PCCA: variants seen among roughly 807,000 people sequenced by gnomAD.
PCCA encodes propionyl-CoA carboxylase alpha chain, mitochondrial.
Under a neutral mutation model 101.3 loss-of-function variants are expected in PCCA, and 74 were observed. The observed-to-expected ratio is 0.73, with a 90% confidence interval of 0.61 to 0.89. PCCA has a LOEUF of 0.89. Ranked by LOEUF, PCCA falls within the 40% of genes least tolerant of loss-of-function variation. PCCA has a pLI of 0.00. For synonymous variants in PCCA, 294 were observed against 313.6 expected (o/e 0.94, Z 0.66); for missense variants, 891 against 907.0 (o/e 0.98, Z 0.23).
intron 10 of PCCA, 191 bp from the exon 11 acceptor site, chr13:100,268,498 T>C (rs1429358793): frequency 4.6e-6 from 3 of 653,198 alleles, no homozygotes; most frequent in Non-Finnish European, 8.3e-6. Context: ...ATAAAAATGT[T>C]TTATTGAGCT....
intron 21 of PCCA, among the ~76,000 whole-genome samples, chr13:100,470,431 C>G (rs1596047453): frequency 6.6e-6 from 1 of 152,094 alleles, no homozygotes; most frequent in Non-Finnish European, 1.5e-5. Flanking sequence ...TGGCAGCTGC[C>G]TCGTCTAAAT....
At chr13:100,187,495 G>C (rs919540788) in intron 6 of PCCA, among the ~76,000 whole-genome samples, 3 of 152,212 alleles carry the variant, frequency 2.0e-5, no homozygotes, top group African/African-American at 7.2e-5. Context: ...GATGACCTGC[G>C]ATATCATCCA....
chr13:100,405,595 G>T (rs2077622766), intron 19 of PCCA, among the ~76,000 whole-genome samples: 1 of 151,988 alleles, frequency 6.6e-6, no homozygotes, highest in Non-Finnish European at 1.5e-5. Context: ...TTCTACATAG[G>T]CCTTTTGGAT....
chr13:100,237,780 G>A (rs2060887955), intron 8 of PCCA, among the ~76,000 whole-genome samples: 1 of 151,938 alleles, frequency 6.6e-6, no homozygotes, highest in Non-Finnish European at 1.5e-5. Flanking sequence ...GAAATTTAGG[G>A]AAATAAAGGG....
At chr13:100,495,176 C>T (rs2085187635) in intron 21 of PCCA, among the ~76,000 whole-genome samples, 1 of 152,100 alleles carries the variant, frequency 6.6e-6, no homozygotes, top group African/African-American at 2.4e-5. Context: ...AGGACAACTC[C>T]AAAACAAAGA....
intron 6 of PCCA, among the ~76,000 whole-genome samples, chr13:100,158,957 G>A (rs140836727): frequency 1.5e-3 from 233 of 150,530 alleles, no homozygotes; most frequent in African/African-American, 5.4e-3. Flanking sequence ...TATATGAGTA[G>A]GATAAGTGAT....
At chr13:100,530,020 G>A in intron 23 of PCCA, 78 bp from the exon 24 acceptor site, 2 of 1,115,280 alleles carry the variant, frequency 1.8e-6, no homozygotes, top group Non-Finnish European at 2.7e-6. Flanking sequence ...TTTTAGAAAT[G>A]GATTAGGAGC....
intron 21 of PCCA, among the ~76,000 whole-genome samples, chr13:100,455,496 T>C (rs1459917068): frequency 6.6e-6 from 1 of 152,238 alleles, no homozygotes; most frequent in East Asian, 1.9e-4. Context: ...CTTGGTGATT[T>C]TGCTTTGTGT....
At chr13:100,223,740 T>C (rs1364878353) in intron 7 of PCCA, among the ~76,000 whole-genome samples, 1 of 152,142 alleles carries the variant, frequency 6.6e-6, no homozygotes, top group African/African-American at 2.4e-5. Context: ...AGGGCACTGA[T>C]TGGTGCGTTT....
intron 4 of PCCA, among the ~76,000 whole-genome samples, chr13:100,136,909 GT>G (rs2051251311): frequency 6.6e-6 from 1 of 151,672 alleles, no homozygotes; most frequent in South Asian, 2.1e-4. Context: ...TATCTCCTCT[GT>G]TGTGTTCTTC....
At chr13:100,099,425 C>T (rs1468082432) in intron 1 of PCCA, among the ~76,000 whole-genome samples, 1 of 149,960 alleles carries the variant, frequency 6.7e-6, no homozygotes, top group Non-Finnish European at 1.5e-5. Flanking sequence ...TCACGCCATT[C>T]TCCCGCCTCA....
intron 7 of PCCA, among the ~76,000 whole-genome samples, chr13:100,229,303 G>GAAGCA (rs2060332942): frequency 1.3e-5 from 2 of 152,192 alleles, no homozygotes; most frequent in Non-Finnish European, 2.9e-5. Flanking sequence ...AAACTGAAGT[G>GAAGCA]TAAAAAGTAA....
In PCCA at chr13:100,271,479, A is replaced by C. The variant is rs549020076; in HGVS notation, c.915-1717A>C. ...AATAGAAATGTAATATGAATGTTAA[A>C]AGACACCGTGGGGTTGCATGCAGTT... On this transcript the variant is annotated intron_variant, in intron 11 of 23. Coordinates refer to ENST00000376285, the MANE Select transcript of PCCA (RefSeq NM_000282.4). 1.1e-4 allele frequency among the ~76,000 whole-genome samples: 16 copies of C among 152,268 alleles called. 1 individual carries two copies. In the East Asian group the frequency reaches 2.9e-3, roughly 28 times the overall value.
intron 19 of PCCA, among the ~76,000 whole-genome samples, chr13:100,409,587 G>T (rs1187299093): frequency 6.6e-6 from 1 of 152,072 alleles, no homozygotes; most frequent in South Asian, 2.1e-4. Context: ...CAGTGCACAG[G>T]CCAGTTGGAG....
chr13:100,335,354 T>C (rs1595413598), intron 17 of PCCA, among the ~76,000 whole-genome samples: 1 of 152,066 alleles, frequency 6.6e-6, no homozygotes, highest in African/African-American at 2.4e-5. Context: ...AGAAAGGAAA[T>C]AGCATTTGGT....
chr13:100,421,787 C>T (rs981011626), intron 19 of PCCA, among the ~76,000 whole-genome samples: 1 of 151,990 alleles, frequency 6.6e-6, no homozygotes, highest in African/African-American at 2.4e-5. Context: ...CAGGTTCAAG[C>T]GATTCTCCTG....
chr13:100,408,245 A>G (rs1567082716), intron 19 of PCCA, among the ~76,000 whole-genome samples: 1 of 152,364 alleles, frequency 6.6e-6, no homozygotes, highest in South Asian at 2.1e-4. Context: ...GCATGGTTAT[A>G]TGTCCCCAGC....
chr13:100,110,608 T>C (rs1269390284), intron 2 of PCCA, among the ~76,000 whole-genome samples: 2 of 152,204 alleles, frequency 1.3e-5, no homozygotes, highest in Non-Finnish European at 2.9e-5. Flanking sequence ...CTGCTTAGTC[T>C]GGGCATTTTT....
chr13:100,196,680 A>G (rs1184816347), intron 6 of PCCA, among the ~76,000 whole-genome samples: 1 of 152,196 alleles, frequency 6.6e-6, no homozygotes, highest in Non-Finnish European at 1.5e-5. Context: ...TATAAATTAA[A>G]TACAGTTTGT....
Sources: gnomAD v4.1 joint callset for allele counts (sites outside exome capture counted in the v4.1 genomes callset) on GRCh38, gnomAD v4.1.1 for gene constraint, MANE v1.5 for transcripts, NCBI Gene and HGNC (gene_info 2026-07-23, HGNC 2026-07-21) for gene names.